Variants in PTPRT observed in about 807,000 individuals in gnomAD.
PTPRT encodes the protein receptor-type tyrosine-protein phosphatase T.
In PTPRT, 56 loss-of-function variants were observed where a neutral mutation model predicts 176.8. That is an observed-to-expected ratio of 0.32 (90% CI 0.26 to 0.40). The LOEUF (loss-of-function observed/expected upper bound fraction) is 0.40, where lower values mean the gene tolerates loss of function less well. PTPRT is among the 10% of genes least tolerant of loss of function. The probability of loss-of-function intolerance (pLI) is 1.00; values close to 1 mark genes in which losing one functional copy is unlikely to be tolerated. For synonymous variants in PTPRT, 783 were observed against 739.0 expected (o/e 1.06, Z -0.96); for missense variants, 1,540 against 1,908.2 (o/e 0.81, Z 3.60).
At position 42,121,410 on chromosome 20, in the gene PTPRT, A is replaced by T. The variant is rs552115724; in HGVS notation, c.2848-1439T>A. 9.9e-5 allele frequency among the ~76,000 whole-genome samples: 15 copies of T among 152,070 alleles called. No individual in the cohort carries two copies. The South Asian group carries it at 1.0e-3, about 11-fold the overall frequency. On this transcript the variant is annotated intron_variant, in intron 19 of 30. Transcript: ENST00000373187. Reference sequence around the variant, plus strand: ...ACAAACACTCCCTACTAAGCTTAAAATTTTTTTTGTCACAGAGCTCAGCAC... The same window carrying T: ...ACAAACACTCCCTACTAAGCTTAAATTTTTTTTTGTCACAGAGCTCAGCAC...
At chr20:43,007,240 GT>G (rs1467650800) in intron 1 of PTPRT, among the ~76,000 whole-genome samples, 2 of 152,282 alleles carry the variant, frequency 1.3e-5, no homozygotes, top group Admixed American at 1.3e-4. Flanking sequence ...AATTTAAAGG[GT>G]TCCAAGGAAA....
At chr20:42,205,203 G>T (rs971869212) in intron 15 of PTPRT, among the ~76,000 whole-genome samples, 12 of 151,984 alleles carry the variant, frequency 7.9e-5, no homozygotes, top group African/African-American at 2.9e-4. Flanking sequence ...GTCTCTTTTG[G>T]AAGCACCTAA....
At chr20:42,468,943 A>G (rs2145912833) in intron 8 of PTPRT, among the ~76,000 whole-genome samples, 1 of 152,230 alleles carries the variant, frequency 6.6e-6, no homozygotes, top group East Asian at 1.9e-4. Flanking sequence ...CCACTTTTTG[A>G]GCATCTACAG....
chr20:42,374,049 G>C (rs566876696), intron 9 of PTPRT, among the ~76,000 whole-genome samples: 1 of 152,288 alleles, frequency 6.6e-6, no homozygotes, highest in East Asian at 1.9e-4. Flanking sequence ...CTAGGAGGCA[G>C]AACAGGTGCA....
chr20:43,166,326 T>TAA (rs79113064), intron 1 of PTPRT, among the ~76,000 whole-genome samples: 11 of 126,496 alleles, frequency 8.7e-5, no homozygotes, highest in South Asian at 2.6e-4. Flanking sequence ...AGACTCTGTC[T>TAA]AAAAAAAAAA....
At chr20:43,111,921 C>T (rs1349515540) in intron 1 of PTPRT, among the ~76,000 whole-genome samples, 2 of 152,116 alleles carry the variant, frequency 1.3e-5, no homozygotes, top group African/African-American at 4.8e-5. Context: ...AAAGCCCATT[C>T]GGATGTCATG....
At chr20:42,768,187 G>A (rs2077012124) in intron 5 of PTPRT, among the ~76,000 whole-genome samples, 1 of 152,018 alleles carries the variant, frequency 6.6e-6, no homozygotes, top group African/African-American at 2.4e-5. Flanking sequence ...CAATATTTAG[G>A]GAAGTTTCCT....
chr20:42,072,697 C>T (rs1306997589), downstream of PTPRT: 5 of 190,746 alleles, frequency 2.6e-5, no homozygotes, highest in African/African-American at 9.3e-5. Context: ...TCTCCTCCTC[C>T]TTCAACTTGT....
At chr20:42,342,828 C>T (rs1325561633) in intron 11 of PTPRT, among the ~76,000 whole-genome samples, 1 of 152,106 alleles carries the variant, frequency 6.6e-6, no homozygotes, top group African/African-American at 2.4e-5. Flanking sequence ...GCTTTTCTTC[C>T]CAATAAAGTT....
At chr20:42,571,050 CATTGCA>C (rs2073145174) in intron 7 of PTPRT, among the ~76,000 whole-genome samples, 1 of 152,142 alleles carries the variant, frequency 6.6e-6, no homozygotes, top group African/African-American at 2.4e-5. Context: ...TCTCCCCACA[CATTGCA>C]TGTGCTGCCA....
the PTPRT span, among the ~76,000 whole-genome samples, chr20:42,045,375 A>G: frequency 6.6e-6 from 1 of 151,858 alleles, no homozygotes; most frequent in Non-Finnish European, 1.5e-5. Flanking sequence ...GGCTCCCTGA[A>G]GGGAAAATGT....
chr20:42,423,928 GA>G (rs1421841090), intron 9 of PTPRT, among the ~76,000 whole-genome samples: 9 of 152,006 alleles, frequency 5.9e-5, no homozygotes, highest in Admixed American at 2.0e-4. Flanking sequence ...GGTACTAGGA[GA>G]AAAAAATGAA....
At chr20:42,554,849 G>T (rs1037709594) in intron 7 of PTPRT, among the ~76,000 whole-genome samples, 3 of 152,186 alleles carry the variant, frequency 2.0e-5, no homozygotes, top group African/African-American at 7.2e-5. Flanking sequence ...TTATGTAAAA[G>T]GTGAGGCAAG....
intron 9 of PTPRT, among the ~76,000 whole-genome samples, chr20:42,367,609 A>G (rs1293297332): frequency 6.6e-6 from 1 of 152,188 alleles, no homozygotes; most frequent in Non-Finnish European, 1.5e-5. Context: ...AAGAAAAGGA[A>G]GGAGACAGCA....
chr20:43,000,221 C>T (rs531972172), intron 1 of PTPRT, among the ~76,000 whole-genome samples: 6 of 151,998 alleles, frequency 3.9e-5, no homozygotes, highest in Non-Finnish European at 8.8e-5. Flanking sequence ...AGAGATAGCC[C>T]TTATTTCTGG....
At chr20:42,751,006 T>C (rs2076762385) in intron 6 of PTPRT, among the ~76,000 whole-genome samples, 1 of 152,172 alleles carries the variant, frequency 6.6e-6, no homozygotes, top group South Asian at 2.1e-4. Context: ...TTCATTTCGG[T>C]CTGTGTGTCG....
At chr20:42,161,689 C>T (rs1240625850) in intron 16 of PTPRT, 147 bp from the exon 17 acceptor site, 35 of 729,192 alleles carry the variant, frequency 4.8e-5, no homozygotes, top group Middle Eastern at 4.0e-4. Context: ...ATTGGAGATA[C>T]ACTCCTTCCC....
At chr20:42,033,448 T>C in the PTPRT span, among the ~76,000 whole-genome samples, 2 of 152,180 alleles carry the variant, frequency 1.3e-5, no homozygotes, top group Non-Finnish European at 2.9e-5. Flanking sequence ...ACCCACAGTC[T>C]CAGGATCTGG....
chr20:42,752,915 G>A (rs1255782468), intron 6 of PTPRT, among the ~76,000 whole-genome samples: 1 of 152,098 alleles, frequency 6.6e-6, no homozygotes, highest in Admixed American at 6.5e-5. Context: ...TCCTGAGGGG[G>A]TCCCTGCCTT....
Sources: allele counts gnomAD v4.1 joint callset (sites outside exome capture counted in the v4.1 genomes callset), GRCh38; gene constraint gnomAD v4.1.1; transcripts MANE v1.5; gene names NCBI Gene and HGNC (gene_info 2026-07-23, HGNC 2026-07-21).